The following ARHGAP26 variants were observed in gnomAD, a reference collection of about 807,000 sequenced individuals.
The protein encoded by ARHGAP26 is rho GTPase-activating protein 26.
A neutral mutation model predicts 104.8 loss-of-function variants in ARHGAP26; 38 were observed. That is an observed-to-expected ratio of 0.36 (90% CI 0.28 to 0.48). The LOEUF is 0.48. Among genes scored for constraint, ARHGAP26 ranks in the 20% least tolerant of loss-of-function variants. The probability of loss-of-function intolerance (pLI) is 0.99; values close to 1 mark genes in which losing one functional copy is unlikely to be tolerated. For synonymous variants in ARHGAP26, 341 were observed against 340.0 expected, an observed-to-expected ratio of 1.00 and a Z score of -0.03; for missense variants, 704 against 947.9, an observed-to-expected ratio of 0.74 and a Z score of 3.38.
intron 11 of ARHGAP26, among the ~76,000 whole-genome samples, chr5:142,989,257 G>T (rs1312699297): frequency 1.3e-5 from 2 of 152,066 alleles, no homozygotes; most frequent in East Asian, 3.9e-4. Context: ...GGCCTTCTTT[G>T]TCTCTTTTGA....
At chr5:143,143,029 T>C (rs1798747716) in intron 19 of ARHGAP26, among the ~76,000 whole-genome samples, 1 of 152,140 alleles carries the variant, frequency 6.6e-6, no homozygotes, top group Non-Finnish European at 1.5e-5. Context: ...GTCTGTTCCC[T>C]CCTTTTGGCT....
chr5:142,813,115 AG>A (rs1764436722), intron 1 of ARHGAP26, among the ~76,000 whole-genome samples: 1 of 151,194 alleles, frequency 6.6e-6, no homozygotes, highest in Non-Finnish European at 1.5e-5. Flanking sequence ...CTTTTTTTGT[AG>A]TTTTTTAGTA....
chr5:143,168,493 A>T (rs931360054), intron 20 of ARHGAP26: 1 of 82,638 alleles, frequency 1.2e-5, no homozygotes, highest in Non-Finnish European at 2.4e-5. Flanking sequence ...ATTTTCTTCC[A>T]CAAAGGGCCT....
At chr5:143,216,658 C>G in intron 22 of ARHGAP26, 1 of 186,728 alleles carries the variant, frequency 5.4e-6, no homozygotes, top group Non-Finnish European at 1.1e-5. Context: ...AGACCTTACC[C>G]AAGCCTTCCT....
intron 1 of ARHGAP26, among the ~76,000 whole-genome samples, chr5:142,829,897 G>A (rs1227858322): frequency 6.6e-6 from 1 of 152,182 alleles, no homozygotes; most frequent in Non-Finnish European, 1.5e-5. Flanking sequence ...TGTTCCCACT[G>A]CTGTCTTCCC....
intron 12 of ARHGAP26, among the ~76,000 whole-genome samples, chr5:143,025,328 T>A (rs1446784355): frequency 6.6e-6 from 1 of 152,226 alleles, no homozygotes; most frequent in African/African-American, 2.4e-5. Context: ...TTCCCTGCCC[T>A]TCGCTGCCTC....
chr5:143,045,445 C>T (rs557333720), intron 14 of ARHGAP26, among the ~76,000 whole-genome samples: 115 of 152,274 alleles, frequency 7.6e-4, no homozygotes, highest in Middle Eastern at 3.4e-3. Context: ...GAAGGGGGAG[C>T]TTCATCTTCT....
chr5:143,090,878 T>C (rs933520162), intron 17 of ARHGAP26, among the ~76,000 whole-genome samples: 3 of 152,202 alleles, frequency 2.0e-5, no homozygotes, highest in Non-Finnish European at 2.9e-5. Context: ...GATTAAATGG[T>C]CCCAATTCAC....
chr5:142,972,109 G>C (rs994036051), intron 11 of ARHGAP26, among the ~76,000 whole-genome samples: 1 of 151,952 alleles, frequency 6.6e-6, no homozygotes, highest in South Asian at 2.1e-4. Context: ...TTGAACCTGC[G>C]AGGCGGAGGT....
At chr5:143,167,732 T>A (rs258777) in intron 20 of ARHGAP26, among the ~76,000 whole-genome samples, 1 of 151,862 alleles carries the variant, frequency 6.6e-6, no homozygotes, top group African/African-American at 2.4e-5. Context: ...GGTTAAGAAT[T>A]TGTCTTGCCT....
chr5:142,864,060 C>A (rs1753832663), intron 1 of ARHGAP26, among the ~76,000 whole-genome samples: 1 of 152,108 alleles, frequency 6.6e-6, no homozygotes, highest in Admixed American at 6.5e-5. Flanking sequence ...GTTTTTCCAG[C>A]CCTAGTCTGA....
Position 142,964,546 on chromosome 5 carries a change from ACACACAC to A in ARHGAP26, c.1107+32422_1107+32428del, listed in dbSNP as rs1562167702. 2.4e-4 allele frequency among the ~76,000 whole-genome samples: 33 copies of A among 139,332 alleles called. 1 individual carries two copies. In the South Asian group the frequency reaches 6.6e-3, roughly 28 times the overall value. 91.4% of individuals were successfully genotyped at this position (139,332 alleles called of 152,430 possible). A position where few individuals can be genotyped will look rare whatever the true frequency, so the allele number is the denominator to read the frequency against. On this transcript the variant is annotated intron_variant, in intron 11 of 22. Transcript: ENST00000645722. ...TGCCTTGCTTTTCTCTGTTTAAAAC[ACACACAC>A]ACACACACACACACACACAAAACAA...
chr5:142,896,758 C>T (rs1427869026), intron 6 of ARHGAP26, among the ~76,000 whole-genome samples: 1 of 152,202 alleles, frequency 6.6e-6, no homozygotes, highest in East Asian at 1.9e-4. Context: ...AAATCCCAGC[C>T]TAGCCATTTA....
intron 13 of ARHGAP26, among the ~76,000 whole-genome samples, chr5:143,038,957 G>T (rs780913766): frequency 1.3e-5 from 2 of 152,018 alleles, no homozygotes; most frequent in South Asian, 2.1e-4. Flanking sequence ...GTCTCCCAAA[G>T]TGCTGGGATT....
chr5:143,123,594 G>A (rs915414203), intron 18 of ARHGAP26, among the ~76,000 whole-genome samples: 2 of 152,198 alleles, frequency 1.3e-5, no homozygotes, highest in East Asian at 1.9e-4. Context: ...GTTCACACCC[G>A]TAATCCCAGT....
In ARHGAP26 at chr5:142,932,255, T is replaced by C. The variant is rs1201877714; in HGVS notation, c.1107+130T>C. ...GAAACCAGTGTACCAGAGGTGGTTT[T>C]TTATTCCTAGGTTTATGTTTGTGGA... On this transcript the variant is annotated intron_variant, in intron 11 of 22. Coordinates refer to ENST00000645722, the MANE Select transcript of ARHGAP26 (RefSeq NM_001135608.3). The C allele has an allele frequency of 3.9e-6, 3 of 773,442 alleles. No individual in the cohort carries two copies. The East Asian group carries it at 7.8e-5, about 20-fold the overall frequency. 47.9% of individuals were successfully genotyped at this position (773,442 alleles called of 1,614,324 possible).
chr5:142,807,812 A>G (rs1316258389), intron 1 of ARHGAP26, among the ~76,000 whole-genome samples: 1 of 152,144 alleles, frequency 6.6e-6, no homozygotes, highest in African/African-American at 2.4e-5. Flanking sequence ...GTCCTTGGGA[A>G]CTGGGGACTT....
At chr5:143,005,688 A>G (rs1350847376) in intron 11 of ARHGAP26, among the ~76,000 whole-genome samples, 1 of 152,266 alleles carries the variant, frequency 6.6e-6, no homozygotes, top group Non-Finnish European at 1.5e-5. Context: ...GGTACAAAGC[A>G]ACAGGCAATG....
intron 1 of ARHGAP26, among the ~76,000 whole-genome samples, chr5:142,775,711 G>A (rs1799290): frequency 0.31 from 46,997 of 151,968 alleles, 13,408 homozygotes; most frequent in African/African-American, 0.75. Context: ...TACTTCTTAT[G>A]AGTGGAATTA....
Sources: allele counts gnomAD v4.1 joint callset (sites outside exome capture counted in the v4.1 genomes callset), GRCh38; gene constraint gnomAD v4.1.1; transcripts MANE v1.5; gene names NCBI Gene and HGNC (gene_info 2026-07-23, HGNC 2026-07-21).